Variants in ZNF25 observed in about 807,000 individuals in gnomAD.
ZNF25 encodes zinc finger protein 25 (KOX 19).
Under a neutral mutation model 30.9 loss-of-function variants are expected in ZNF25, and 21 were observed. That is an observed-to-expected ratio of 0.68 (90% CI 0.48 to 0.98). The LOEUF (loss-of-function observed/expected upper bound fraction) is 0.98. Ranked by LOEUF, ZNF25 falls within the 50% of genes least tolerant of loss-of-function variation. ZNF25 has a pLI of 0.00. For missense variants in ZNF25, 501 were observed against 529.9 expected (o/e 0.95, Z 0.54); for synonymous variants, 169 against 181.3 (o/e 0.93, Z 0.55).
rs927849276 is a variant in ZNF25 at position 37,951,010 on chromosome 10, T to A, written c.*1117A>T. On this transcript the variant is annotated 3_prime_UTR_variant, in exon 6 of 6. Coordinates refer to ENST00000302609, the MANE Select transcript of ZNF25 (RefSeq NM_145011.4). Reference sequence around the variant, plus strand: ...ATAAATACTACTGTTTTTAGCTGTTTAAAAACAGCTCAGGCTTTTGCTATA... The same window carrying A: ...ATAAATACTACTGTTTTTAGCTGTTAAAAAACAGCTCAGGCTTTTGCTATA... 1 of 152,204 alleles carries A rather than the reference T, an allele frequency of 6.6e-6. No individual in the cohort carries two copies. Among genetic ancestry groups the A allele is most frequent in the African/African-American group, 2.4e-5 (1 of 41,448 alleles). The allele number at this position is 152,204 out of a possible 1,614,324, so 9.4% of individuals were successfully genotyped here.
chr10:37,971,549 C>T lies in ZNF25; in HGVS notation c.15+159G>A, dbSNP rs116781098. On this transcript the variant is annotated intron_variant, in intron 2 of 5. Transcript: ENST00000302609. ...TTTGAGAATTGCTGTTTTATTCAAA[C>T]GGTATTTTGCCTGTAGGTGATTTTT... Among the ~76,000 whole-genome samples the T allele has an allele frequency of 7.7e-3, 1,167 of 151,640 alleles. 14 individuals carry two copies. The highest frequency in any genetic ancestry group is 0.027 in the African/African-American group (1,118 of 41,320).
chr10:37,958,846 G>A (rs936243631), intron 2 of ZNF25, among the ~76,000 whole-genome samples: 2 of 152,080 alleles, frequency 1.3e-5, no homozygotes, highest in South Asian at 4.1e-4. Flanking sequence ...GCAGGAGTTT[G>A]AGACCAGCCT....
In ZNF25 at chr10:37,957,116, C is replaced by A; in HGVS notation, c.143-1G>T. The A allele has an allele frequency of 6.2e-7, 1 of 1,611,934 alleles. No homozygotes were observed. Among genetic ancestry groups the A allele is most frequent in the South Asian group, 1.1e-5 (1 of 90,946 alleles). ...GCATTTGGCTTATTCACATGGTAACCTATGAATGGAAAATATCAAGGAAAT... is the reference window on the plus strand; with the variant it reads ...GCATTTGGCTTATTCACATGGTAACATATGAATGGAAAATATCAAGGAAAT... On this transcript the variant is annotated splice_acceptor_variant, in intron 3 of 5. Coordinates refer to ENST00000302609, the MANE Select transcript of ZNF25 (RefSeq NM_145011.4). LOFTEE classifies it high-confidence loss of function.
intron 2 of ZNF25, among the ~76,000 whole-genome samples, chr10:37,970,373 A>G (rs2063419671): frequency 6.6e-6 from 1 of 152,224 alleles, no homozygotes; most frequent in Non-Finnish European, 1.5e-5. Flanking sequence ...AAAGAAAAAC[A>G]ACATGATTAT....
Position 37,953,215 on chromosome 10 carries a change from T to C in ZNF25, c.303-20A>G. ...CCATTCCTAGACAGAAAGTTCCACA[T>C]TCATTAATGTGTAAGACTTTTAAGG... On this transcript the variant is annotated intron_variant, in intron 5 of 5. Transcript: ENST00000302609. 1 of 1,551,906 alleles carries C rather than the reference T, an allele frequency of 6.4e-7. No homozygotes were observed. Among genetic ancestry groups the C allele is most frequent in the Non-Finnish European group, 8.6e-7 (1 of 1,156,902 alleles).
At chr10:37,960,069 C>CA (rs1326947772) in intron 2 of ZNF25, among the ~76,000 whole-genome samples, 4 of 152,144 alleles carry the variant, frequency 2.6e-5, no homozygotes, top group African/African-American at 9.7e-5. Flanking sequence ...TGCCCGCCAC[C>CA]ATGCTCGGCT....
intron 2 of ZNF25, among the ~76,000 whole-genome samples, chr10:37,967,738 C>T (rs1050572703): frequency 5.3e-5 from 8 of 152,096 alleles, no homozygotes; most frequent in Non-Finnish European, 1.0e-4. Context: ...CTGTCAAGAC[C>T]ATTCAGTGGG....
chr10:37,957,409 G>C lies in ZNF25; in HGVS notation c.142+11C>G. The C allele has an allele frequency of 6.2e-7, 1 of 1,609,764 alleles. No homozygotes were observed. Among genetic ancestry groups the C allele is most frequent in the Non-Finnish European group, 8.5e-7 (1 of 1,177,976 alleles). ...ACTACTGGGATTTACACCTGGGGAA[G>C]TTTTCCTCACCCACTGAGACAAGGT... On this transcript the variant is annotated intron_variant, in intron 3 of 5. Transcript: ENST00000302609.
chr10:37,953,779 T>C, intron 4 of ZNF25, 21 bp from the exon 5 acceptor site: 1 of 1,590,794 alleles, frequency 6.3e-7, no homozygotes, highest in Non-Finnish European at 8.6e-7. Context: ...ACCAAAAATG[T>C]AATACTTTAT....
At chr10:37,957,949 C>T (rs1339380665) in intron 2 of ZNF25, among the ~76,000 whole-genome samples, 2 of 152,174 alleles carry the variant, frequency 1.3e-5, no homozygotes, top group Non-Finnish European at 2.9e-5. Flanking sequence ...CAGTAACACA[C>T]TGTACAGGTT....
intron 2 of ZNF25, among the ~76,000 whole-genome samples, chr10:37,962,917 C>T (rs1249933916): frequency 2.0e-5 from 3 of 151,992 alleles, no homozygotes; most frequent in Admixed American, 1.3e-4. Flanking sequence ...TAAACTGAAT[C>T]TGTAGTTAAA....
intron 4 of ZNF25, 138 bp from the exon 5 acceptor site, chr10:37,953,896 G>GA (rs1398239474): frequency 1.9e-5 from 14 of 748,798 alleles, no homozygotes; most frequent in East Asian, 2.7e-5. Context: ...ATTGTTTTGG[G>GA]AAAAAAACCT....
At chr10:37,955,379 A>G (rs1564759833) in intron 4 of ZNF25, among the ~76,000 whole-genome samples, 1 of 152,194 alleles carries the variant, frequency 6.6e-6, no homozygotes. Context: ...TAAGTATACC[A>G]TGCAGGCTTC....
rs1423518908 is a variant in ZNF25 at position 37,952,122 on chromosome 10, T to C, written c.*5A>G. The C allele has an allele frequency of 1.3e-6, 2 of 1,543,910 alleles. No individual in the cohort carries two copies. Among genetic ancestry groups the C allele is most frequent in the South Asian group, 2.5e-5 (2 of 79,366 alleles). ...AATTCAGTCAAGAGAATTTCCCAAC[T>C]CATCTTACTTCTCAGCATTCCTCTT... On this transcript the variant is annotated 3_prime_UTR_variant, in exon 6 of 6. Coordinates refer to ENST00000302609, the MANE Select transcript of ZNF25 (RefSeq NM_145011.4).
intron 2 of ZNF25, among the ~76,000 whole-genome samples, chr10:37,971,291 G>A (rs1417905909): frequency 2.7e-5 from 4 of 148,574 alleles, no homozygotes; most frequent in Non-Finnish European, 5.9e-5. Flanking sequence ...ACTCCAGCTT[G>A]GGCAACAGAG....
rs761288532 is a variant in ZNF25 at position 37,957,484 on chromosome 10, G to C, written c.78C>G (p.Thr26=). Residue 26 remains threonine, a synonymous_variant, in exon 3 of 6, where the codon ACC becomes ACG. Coordinates refer to ENST00000302609, the MANE Select transcript of ZNF25 (RefSeq NM_145011.4). The part of the protein sequence containing the change: ...EFTKEEWKLL[T]PAQRTLYKDV... The stretch of plus-strand genomic sequence containing the variant: ...CCTTATACAGAGTCCTCTGAGCAGG[G>C]GTCAGTAACTTCCATTCTTCCTTGG... 4 of 1,613,602 alleles carry C rather than the reference G, an allele frequency of 2.5e-6. No homozygotes were observed. Among genetic ancestry groups the C allele is most frequent in the Middle Eastern group, 1.7e-4 (1 of 6,058 alleles).
chr10:37,961,436 CCACAAAG>C (rs1251654367), intron 2 of ZNF25, among the ~76,000 whole-genome samples: 1 of 151,974 alleles, frequency 6.6e-6, no homozygotes, highest in Non-Finnish European at 1.5e-5. Context: ...GAAAAAATGC[CCACAAAG>C]GATAAAGGTT....
intron 4 of ZNF25, among the ~76,000 whole-genome samples, chr10:37,956,187 A>G (rs1022085054): frequency 6.6e-6 from 1 of 152,220 alleles, no homozygotes; most frequent in South Asian, 2.1e-4. Context: ...GGAAGGATAA[A>G]CACTGTATAG....
intron 2 of ZNF25, among the ~76,000 whole-genome samples, chr10:37,958,970 A>C (rs2062697657): frequency 6.6e-6 from 1 of 152,166 alleles, no homozygotes; most frequent in South Asian, 2.1e-4. Context: ...AATGGCTTGA[A>C]CCTGGGAGGC....
Sources: allele counts gnomAD v4.1 joint callset (sites outside exome capture counted in the v4.1 genomes callset), GRCh38; gene constraint gnomAD v4.1.1; transcripts MANE v1.5; gene names NCBI Gene and HGNC (gene_info 2026-07-23, HGNC 2026-07-21).